The following ADCY9 variants were observed in gnomAD, a reference collection of about 807,000 sequenced individuals.
ADCY9 encodes the protein adenylate cyclase type 9.
Under a neutral mutation model 101.5 loss-of-function variants are expected in ADCY9, and 50 were observed. The observed-to-expected ratio is 0.49, with a 90% CI of 0.39 to 0.62. The LOEUF is 0.62. Ranked by LOEUF, ADCY9 falls within the 20% of genes least tolerant of loss-of-function variation. The pLI is 0.00. For synonymous variants in ADCY9, 905 were observed against 769.3 expected, an observed-to-expected ratio of 1.18 and a Z score of -2.92; for missense variants, 1,662 against 1,800.4, an observed-to-expected ratio of 0.92 and a Z score of 1.39.
intron 2 of ADCY9, among the ~76,000 whole-genome samples, chr16:4,031,807 G>A (rs1309610158): frequency 2.6e-5 from 4 of 151,988 alleles, no homozygotes; most frequent in African/African-American, 7.3e-5. Flanking sequence ...AGCCTGGGAG[G>A]TCGAGGCAGA....
chr16:4,069,085 G>T (rs2056817559), intron 2 of ADCY9, among the ~76,000 whole-genome samples: 1 of 152,106 alleles, frequency 6.6e-6, no homozygotes, highest in South Asian at 2.1e-4. Flanking sequence ...CATGACATGT[G>T]AAATTCTGAA....
downstream of ADCY9, among the ~76,000 whole-genome samples, chr16:3,962,122 C>T (rs1028521508): frequency 1.3e-5 from 2 of 152,120 alleles, no homozygotes; most frequent in Non-Finnish European, 2.9e-5. Context: ...GCCTCAGATG[C>T]GGGAGTGTGG....
At chr16:4,091,235 A>G (rs1452665939) in intron 2 of ADCY9, among the ~76,000 whole-genome samples, 1 of 152,112 alleles carries the variant, frequency 6.6e-6, no homozygotes, top group East Asian at 1.9e-4. Flanking sequence ...CATGATGCGC[A>G]GCTGATTTTT....
At position 3,963,173 on chromosome 16, in the gene ADCY9, G is replaced by A; in HGVS notation, c.*2602C>T. On this transcript the variant is annotated 3_prime_UTR_variant, in exon 11 of 11. Transcript: ENST00000294016. ...ATATAATTCGATCTGAGCTGGGACT[G>A]AGAAGAAAATAGCAATTGCAACTCA... The A allele has an allele frequency of 3.2e-6, 1 of 316,150 alleles. No individual in the cohort carries two copies. 19.6% of individuals were successfully genotyped at this position (316,150 alleles called of 1,614,324 possible). A position where few individuals can be genotyped will look rare whatever the true frequency, so the allele number is the denominator to read the frequency against.
At chr16:4,023,558 G>A (rs2056492940) in intron 2 of ADCY9, among the ~76,000 whole-genome samples, 1 of 152,172 alleles carries the variant, frequency 6.6e-6, no homozygotes, top group African/African-American at 2.4e-5. Context: ...GCAGACTGAG[G>A]GAAGAAAGTG....
rs1045137938 is a variant in ADCY9 at position 3,977,582 on chromosome 16, A to G, written c.2728T>C (p.Cys910Arg). The change falls in exon 9 of 11, where the codon TGT becomes CGT. Residue 910 changes from cysteine (C) to arginine (R), a missense_variant. Physicochemically the swap from Cys to Arg is radical, Grantham distance 180. This residue lies in a region of ADCY9 where 624 missense variants were observed against 639.1 expected (regional missense o/e 0.98). Transcript: ENST00000294016. ...SAALIAVVHY[C>R]NFCQLSSWMR... Reference sequence around the variant, plus strand: ...CAGGAGCTGAGCTGGCAGAAGTTACAGTAGTGCACGACGGCAATCAGCGCG... The same window carrying G: ...CAGGAGCTGAGCTGGCAGAAGTTACGGTAGTGCACGACGGCAATCAGCGCG... 6.8e-6 allele frequency: 11 copies of G among 1,611,988 alleles called. No homozygotes were observed. Among genetic ancestry groups the G allele is most frequent in the African/African-American group, 2.7e-5 (2 of 74,940 alleles).
intron 2 of ADCY9, among the ~76,000 whole-genome samples, chr16:4,100,948 T>C (rs1236160174): frequency 6.6e-6 from 1 of 152,210 alleles, no homozygotes; most frequent in Non-Finnish European, 1.5e-5. Context: ...ATCGTTGTTT[T>C]GGCTGTTGCT....
chr16:3,986,400 T>C (rs2056193598), intron 6 of ADCY9, among the ~76,000 whole-genome samples: 1 of 152,174 alleles, frequency 6.6e-6, no homozygotes, highest in South Asian at 2.1e-4. Context: ...TGTGGCCTCC[T>C]GTCTTGTCCA....
At chr16:3,976,759 G>A (rs532854577) in intron 9 of ADCY9, among the ~76,000 whole-genome samples, 4 of 152,288 alleles carry the variant, frequency 2.6e-5, no homozygotes, top group Admixed American at 6.5e-5. Flanking sequence ...CCGGGTACAA[G>A]CGGTTCTCCT....
At chr16:4,099,399 A>T (rs568108801) in intron 2 of ADCY9, among the ~76,000 whole-genome samples, 155 of 152,338 alleles carry the variant, frequency 1.0e-3, no homozygotes, top group African/African-American at 3.5e-3. Context: ...CTTGGGTGGC[A>T]TTATTTCCTC....
intron 6 of ADCY9, among the ~76,000 whole-genome samples, chr16:3,986,389 A>T (rs1307063272): frequency 1.3e-5 from 2 of 151,948 alleles, no homozygotes; most frequent in African/African-American, 4.8e-5. Context: ...CCCACCTGTC[A>T]TGTGGCCTCC....
intron 2 of ADCY9, among the ~76,000 whole-genome samples, chr16:4,026,628 G>T (rs1052763310): frequency 6.6e-6 from 1 of 152,084 alleles, no homozygotes; most frequent in Non-Finnish European, 1.5e-5. Context: ...AACACACTGT[G>T]GTCCCTCCCC....
intron 2 of ADCY9, chr16:4,032,702 G>A (rs1028274839): frequency 6.6e-6 from 1 of 151,926 alleles, no homozygotes; most frequent in African/African-American, 2.4e-5. Context: ...GTACAGGTGA[G>A]GTTTCACCAT....
Position 3,992,392 on chromosome 16 carries a change from C to A in ADCY9, c.1990-29G>T, listed in dbSNP as rs771918455. 6 of 1,605,650 alleles carry A rather than the reference C, an allele frequency of 3.7e-6. No homozygotes were observed. The highest frequency in any genetic ancestry group is 1.1e-5 in the South Asian group (1 of 90,578). On this transcript the variant is annotated intron_variant, in intron 4 of 10. Transcript: ENST00000294016. The surrounding 1 kb of genome is among the most constrained non-coding windows in gnomAD (Gnocchi z 4.2). ...CCTCGAGACAAAGAGGACGCAGACA[C>A]GGGAAGTGAAGTGGCACCGGGCACT...
intron 2 of ADCY9, among the ~76,000 whole-genome samples, chr16:4,023,171 A>G (rs2056489578): frequency 6.6e-6 from 1 of 152,252 alleles, no homozygotes. Flanking sequence ...TTGTTTGTTT[A>G]TGGGTTCTAT....
intron 2 of ADCY9, among the ~76,000 whole-genome samples, chr16:4,095,053 A>G (rs886837598): frequency 7.0e-6 from 1 of 143,004 alleles, no homozygotes; most frequent in African/African-American, 2.7e-5. Flanking sequence ...CCTAGGCTGG[A>G]GTGCAATGGC....
intron 2 of ADCY9, among the ~76,000 whole-genome samples, chr16:4,064,874 A>C (rs1250165943): frequency 6.6e-6 from 1 of 151,508 alleles, no homozygotes; most frequent in Non-Finnish European, 1.5e-5. Flanking sequence ...ATTATTCCTC[A>C]CTCTTTACCC....
In ADCY9 at chr16:3,956,509, G is replaced by A. The variant is rs113496051; in HGVS notation, c.568-2993C>T. On this transcript the variant is annotated intron_variant, in intron 5 of 5. Coordinates refer to the ADCY9 transcript ENST00000576936. ...TGAGCTTTTTTTTTTTTTTTGGGGG[G>A]GGATGGAGTCTCCCTCTGTCTCCCA... is the stretch of plus-strand genomic sequence containing the variant. Among the ~76,000 whole-genome samples, 168 of 70,942 alleles carry A rather than the reference G, an allele frequency of 2.4e-3. 6 individuals are homozygous for A. Among genetic ancestry groups the A allele is most frequent in the Admixed American group, 3.0e-3 (21 of 7,056 alleles). The allele number at this position is 70,942 out of a possible 152,430, so 46.5% of individuals were successfully genotyped here. A position where few individuals can be genotyped will look rare whatever the true frequency, so the allele number is the denominator to read the frequency against.
chr16:3,986,459 CTT>C (rs997534033), intron 6 of ADCY9, among the ~76,000 whole-genome samples: 1 of 151,780 alleles, frequency 6.6e-6, no homozygotes, highest in Non-Finnish European at 1.5e-5. Flanking sequence ...TGTTTTTTTT[CTT>C]TTTTTGAGAC....
Sources: allele counts gnomAD v4.1 joint callset (sites outside exome capture counted in the v4.1 genomes callset), GRCh38; gene constraint gnomAD v4.1.1; regional missense constraint gnomAD v4.1.1; non-coding constraint Gnocchi (gnomAD v3.1); transcripts MANE v1.5; gene names NCBI Gene and HGNC (gene_info 2026-07-23, HGNC 2026-07-21).